NCF2: variants seen among roughly 807,000 people sequenced by gnomAD.
NCF2 encodes the protein neutrophil cytosolic factor 2.
A neutral mutation model predicts 70.9 loss-of-function variants in NCF2; 45 were observed. That is an observed-to-expected ratio of 0.63 (90% CI 0.50 to 0.81). The LOEUF is 0.81. Among genes scored for constraint, NCF2 ranks in the 40% least tolerant of loss-of-function variants. The pLI, the probability that NCF2 is intolerant of heterozygous loss-of-function variation, is 0.00. For synonymous variants in NCF2, 203 were observed against 233.6 expected (o/e 0.87, Z 1.19); for missense variants, 522 against 631.6 (o/e 0.83, Z 1.86).
chr1:183,558,464 C>A (rs961846533), intron 14 of NCF2, among the ~76,000 whole-genome samples: 5 of 152,016 alleles, frequency 3.3e-5, no homozygotes, highest in Non-Finnish European at 7.4e-5. Context: ...GACAGAGTTT[C>A]ACCATGTTGG....
At position 183,560,220 on chromosome 1, in the gene NCF2, A is replaced by G; in HGVS notation, c.1344T>C (p.Asn448=). 6.2e-7 allele frequency: 1 copy of G among 1,614,182 alleles called. No individual in the cohort carries two copies. Among genetic ancestry groups the G allele is most frequent in the Non-Finnish European group, 8.5e-7 (1 of 1,180,042 alleles). ...TAAGCTGAGGTTCTGTTGTCTGGTT[A>G]TTAGCATCAGCTTTTTCACTTTCCT... ...EPKESEKADA[N]NQTTEPQLKK... is the part of the protein sequence containing the mutation. The change falls in exon 14 of 15, where the codon AAT becomes AAC. Residue 448 remains asparagine, a synonymous_variant. Coordinates refer to ENST00000367535, the MANE Select transcript of NCF2 (RefSeq NM_000433.4).
intron 14 of NCF2, among the ~76,000 whole-genome samples, chr1:183,556,876 CTTTGT>C (rs981224258): frequency 6.6e-6 from 1 of 152,222 alleles, no homozygotes. Context: ...TGTTGGGAAT[CTTTGT>C]TTTGACTACA....
At chr1:183,601,072 T>A in the NCF2 span, among the ~76,000 whole-genome samples, 1 of 152,170 alleles carries the variant, frequency 6.6e-6, no homozygotes, top group Non-Finnish European at 1.5e-5. Flanking sequence ...ATACAAAAAA[T>A]TTTCCTCCTC....
chr1:183,587,989 T>A (rs1258061434), intron 1 of NCF2, among the ~76,000 whole-genome samples: 2 of 152,246 alleles, frequency 1.3e-5, no homozygotes, highest in Non-Finnish European at 2.9e-5. Context: ...AGATAGAAGC[T>A]TTGAGCCAGT....
chr1:183,600,880 A>G, the NCF2 span, among the ~76,000 whole-genome samples: 38 of 152,342 alleles, frequency 2.5e-4, no homozygotes, highest in Non-Finnish European at 4.6e-4. Flanking sequence ...CACCAGGGCC[A>G]TCATCCCACT....
chr1:183,564,628 G>A (rs1434484975), intron 10 of NCF2, among the ~76,000 whole-genome samples: 2 of 152,064 alleles, frequency 1.3e-5, no homozygotes, highest in Non-Finnish European at 2.9e-5. Flanking sequence ...ACAAATTCCC[G>A]AGCCCCATTC....
intron 13 of NCF2, among the ~76,000 whole-genome samples, chr1:183,562,045 G>T (rs777651789): frequency 6.6e-6 from 1 of 151,912 alleles, no homozygotes; most frequent in Non-Finnish European, 1.5e-5. Flanking sequence ...GAGCCACTGC[G>T]CCTGGTTTTC....
chr1:183,570,635 G>A, intron 6 of NCF2, 145 bp downstream of exon 6: 1 of 799,366 alleles, frequency 1.3e-6, no homozygotes, highest in Non-Finnish European at 2.1e-6. Flanking sequence ...ACTGAGAGAG[G>A]GCAGGCAGAT....
chr1:183,566,855 C>G, intron 9 of NCF2, 65 bp downstream of exon 9: 1 of 1,593,794 alleles, frequency 6.3e-7, no homozygotes, highest in Non-Finnish European at 8.6e-7. Flanking sequence ...CACTGCTTTT[C>G]TCCCCTCCAG....
intron 2 of NCF2, 152 bp downstream of exon 2, chr1:183,586,743 T>G (rs1388594945): frequency 1.2e-5 from 9 of 730,146 alleles, no homozygotes; most frequent in South Asian, 7.2e-5. Context: ...CTGCCTCACC[T>G]GCTGATTTAT....
Position 183,569,195 on chromosome 1 carries a change from A to G in NCF2, c.670-10T>C. On this transcript the variant is annotated splice_polypyrimidine_tract_variant and intron_variant, in intron 6 of 14. Transcript: ENST00000367535. The stretch of plus-strand genomic sequence containing the variant: ...GTGGAGGCTCAGCTGCCTATTGAAC[A>G]TTCAGGAGAAGTGAAAACGGAAAAG... 6.2e-7 allele frequency: 1 copy of G among 1,614,008 alleles called. No homozygotes were observed. The highest frequency in any genetic ancestry group is 8.5e-7 in the Non-Finnish European group (1 of 1,179,882).
chr1:183,567,045 C>T, intron 8 of NCF2, 57 bp from the exon 9 acceptor site: 2 of 1,609,914 alleles, frequency 1.2e-6, no homozygotes, highest in Non-Finnish European at 1.7e-6. Context: ...CTCATCAGTA[C>T]CCACACCACA....
rs1558101170 is a variant in NCF2, at chr1:183,577,694, T to C, written c.271A>G (p.Ile91Val). 2 of 1,611,106 alleles carry C rather than the reference T, an allele frequency of 1.2e-6. No homozygotes were observed. Among genetic ancestry groups the C allele is most frequent in the Non-Finnish European group, 1.7e-6 (2 of 1,177,304 alleles). The change falls in exon 3 of 15, where the codon ATC becomes GTC. Residue 91 changes from isoleucine (I) to valine (V), a missense_variant. By Grantham distance (29) the Ile-to-Val change is conservative. Transcript: ENST00000367535. ...ATCAAGGCTTCTTTAAGGTCTTTGATAGCCAAATCATATCTGCAGGACAGA... is the reference window on the plus strand; with the variant it reads ...ATCAAGGCTTCTTTAAGGTCTTTGACAGCCAAATCATATCTGCAGGACAGA... The part of the protein sequence containing the change: ...YYQTEKYDLA[I>V]KDLKEALIQL...
upstream of NCF2, chr1:183,590,572 CAG>C (rs768809741): frequency 1.3e-3 from 747 of 565,696 alleles, no homozygotes; most frequent in East Asian, 2.2e-3. Context: ...AGGAAAGAAG[CAG>C]AGAGAGAGAG....
upstream of NCF2, among the ~76,000 whole-genome samples, chr1:183,593,797 C>T (rs7556061): frequency 0.45 from 68,329 of 152,068 alleles, 15,775 homozygotes; most frequent in African/African-American, 0.52. Context: ...CAGCCACTGT[C>T]CATTCGCCTT....
rs777826252 is a variant in NCF2 at position 183,563,591 on chromosome 1, TG to T, written c.1027-7del. ...GGAACACTGAGCTTCACTTCCTGAG[TG>T]GGGAGGAAACAAAGGGAACTCCTGA... On this transcript the variant is annotated splice_region_variant and splice_polypyrimidine_tract_variant and intron_variant, in intron 11 of 14. Coordinates refer to ENST00000367535, the MANE Select transcript of NCF2 (RefSeq NM_000433.4). 5 of 1,612,866 alleles carry T rather than the reference TG, an allele frequency of 3.1e-6. No homozygotes were observed. In the South Asian group the frequency reaches 5.5e-5, roughly 18 times the overall value.
chr1:183,581,791 C>T (rs1483201427), intron 2 of NCF2, among the ~76,000 whole-genome samples: 1 of 152,084 alleles, frequency 6.6e-6, no homozygotes, highest in East Asian at 1.9e-4. Context: ...CCTCAGCCTC[C>T]CGAGTAGCTG....
At chr1:183,559,120 A>T (rs1671925365) in intron 14 of NCF2, among the ~76,000 whole-genome samples, 1 of 152,146 alleles carries the variant, frequency 6.6e-6, no homozygotes, top group South Asian at 2.1e-4. Flanking sequence ...GGTGGGCCCC[A>T]CCCCAGACCT....
chr1:183,573,481 C>T (rs1050865917), intron 4 of NCF2, among the ~76,000 whole-genome samples, 189 bp from the exon 5 acceptor site: 6 of 152,234 alleles, frequency 3.9e-5, no homozygotes, highest in East Asian at 1.9e-4. Context: ...CCTTCTGCTG[C>T]GAGGCCACAT....
Sources: gnomAD v4.1 joint callset for allele counts (sites outside exome capture counted in the v4.1 genomes callset) on GRCh38, gnomAD v4.1.1 for gene constraint, MANE v1.5 for transcripts, NCBI Gene and HGNC (gene_info 2026-07-23, HGNC 2026-07-21) for gene names.